TRIM36: variants seen among roughly 807,000 people sequenced by gnomAD.
The protein encoded by TRIM36 is tripartite motif containing 36.
A neutral mutation model predicts 72.4 loss-of-function variants in TRIM36; 42 were observed. The observed-to-expected ratio is 0.58, with a 90% CI of 0.45 to 0.75. TRIM36 has a LOEUF of 0.75. TRIM36 is among the 30% of genes least tolerant of loss of function. The pLI, the probability that TRIM36 is intolerant of heterozygous loss-of-function variation, is 0.00. For missense variants in TRIM36, 913 were observed against 857.1 expected (o/e 1.07, Z -0.81); for synonymous variants, 315 against 282.8 (o/e 1.11, Z -1.14).
intron 8 of TRIM36, among the ~76,000 whole-genome samples, chr5:115,133,582 C>A (rs1375091155): frequency 6.6e-6 from 1 of 152,054 alleles, no homozygotes; most frequent in African/African-American, 2.4e-5. Context: ...CTATTTAAAT[C>A]CCAACTTACT....
In TRIM36 at chr5:115,126,604, A is replaced by C. The variant is rs998298448; in HGVS notation, c.2050T>G (p.Ser684Ala). 1 of 1,614,056 alleles carries C rather than the reference A, an allele frequency of 6.2e-7. No individual in the cohort carries two copies. ...KCLYERQVDCSHTLYPAFALM... is the reference protein window; with the variant it reads ...KCLYERQVDCAHTLYPAFALM... ...GCAAATGCTGGATACAGTGTATGTGAACAGTCCACTTGGCGTTCATAAAGG... is the reference window on the plus strand; with the variant it reads ...GCAAATGCTGGATACAGTGTATGTGCACAGTCCACTTGGCGTTCATAAAGG... Residue 684 changes from serine to alanine, a missense_variant, in exon 10 of 10, where the codon TCA (serine) becomes GCA (alanine). Physicochemically the swap from Ser to Ala is moderately conservative, Grantham distance 99. Transcript: ENST00000513154.
At chr5:115,177,271 T>C (rs1755378331) in intron 1 of TRIM36, 1 of 155,752 alleles carries the variant, frequency 6.4e-6, no homozygotes, top group Admixed American at 6.2e-5. Context: ...TGTAAAGCTA[T>C]GTATTTTTAA....
intron 4 of TRIM36, among the ~76,000 whole-genome samples, chr5:115,143,367 A>G (rs1461330099): frequency 6.6e-6 from 1 of 152,124 alleles, no homozygotes; most frequent in African/African-American, 2.4e-5. Context: ...AAAAGACCCA[A>G]ACGTTTCCAA....
chr5:115,127,002 A>C (rs1366439019), intron 9 of TRIM36, 145 bp from the exon 10 acceptor site: 1 of 837,576 alleles, frequency 1.2e-6, no homozygotes, highest in African/African-American at 1.7e-5. Context: ...AAAAACATAA[A>C]AATGACACAT....
chr5:115,173,543 T>TGTGTGC (rs367927273), upstream of TRIM36, among the ~76,000 whole-genome samples: 3,052 of 151,908 alleles, frequency 0.02, 50 homozygotes, highest in African/African-American at 0.046. Flanking sequence ...TGTGTGTGTG[T>TGTGTGC]GCGCGCACGC....
rs1001854959 is a variant in TRIM36 at position 115,124,955 on chromosome 5, C to A, written c.*1548G>T. On this transcript the variant is annotated 3_prime_UTR_variant, in exon 10 of 10. Transcript: ENST00000513154. ...AGCAGCTTTATTGCATAATGATCCA[C>A]ATAACGCTGCATTATTTGCTTAGTT... 6.6e-6 allele frequency: 1 copy of A among 152,472 alleles called. No homozygotes were observed. Among genetic ancestry groups the A allele is most frequent in the African/African-American group, 2.4e-5 (1 of 41,434 alleles). 9.4% of individuals were successfully genotyped at this position (152,472 alleles called of 1,614,324 possible).
At chr5:115,138,108 T>C (rs893590385) in intron 5 of TRIM36, among the ~76,000 whole-genome samples, 1 of 152,218 alleles carries the variant, frequency 6.6e-6, no homozygotes, top group African/African-American at 2.4e-5. Flanking sequence ...AAAGTTGTTT[T>C]TGTTTTTTTG....
chr5:115,130,922 A>T, intron 8 of TRIM36, 33 bp from the exon 9 acceptor site: 2 of 1,578,904 alleles, frequency 1.3e-6, no homozygotes, highest in Non-Finnish European at 1.7e-6. Context: ...ATCAGGCTAA[A>T]AATTATCATT....
At chr5:115,128,095 G>C (rs1415931832) in intron 9 of TRIM36, among the ~76,000 whole-genome samples, 1 of 149,212 alleles carries the variant, frequency 6.7e-6, no homozygotes, top group African/African-American at 2.4e-5. Context: ...AAATTGGGGG[G>C]GGCCAGGAGT....
chr5:115,128,654 A>G (rs1488559796), intron 9 of TRIM36, among the ~76,000 whole-genome samples: 2 of 144,894 alleles, frequency 1.4e-5, no homozygotes, highest in Non-Finnish European at 3.0e-5. Context: ...CGGGAGGCTG[A>G]GGCAGGAGAA....
intron 1 of TRIM36, chr5:115,179,942 C>T: frequency 6.2e-7 from 1 of 1,609,270 alleles, no homozygotes; most frequent in Non-Finnish European, 8.5e-7. Flanking sequence ...AGTCGGGGGC[C>T]CAGGCCGCGG....
intron 2 of TRIM36, among the ~76,000 whole-genome samples, chr5:115,161,189 T>C (rs1361418900): frequency 2.8e-5 from 4 of 142,648 alleles, no homozygotes; most frequent in Non-Finnish European, 6.3e-5. Context: ...AAGGGGTATG[T>C]GTCTTTAAAA....
intron 2 of TRIM36, chr5:115,148,908 C>T (rs1428266138): frequency 6.6e-6 from 1 of 152,122 alleles, no homozygotes; most frequent in Non-Finnish European, 1.5e-5. Flanking sequence ...TAACTGTCAT[C>T]ACTCAAAAGA....
intron 3 of TRIM36, 44 bp downstream of exon 3, chr5:115,147,025 A>G (rs1376652504): frequency 6.7e-7 from 1 of 1,500,492 alleles, no homozygotes; most frequent in African/African-American, 1.4e-5. Flanking sequence ...GTTTCATAAC[A>G]TTAAGTTAAA....
chr5:115,167,104 G>A (rs1260112349), intron 1 of TRIM36, among the ~76,000 whole-genome samples: 1 of 152,232 alleles, frequency 6.6e-6, no homozygotes, highest in Non-Finnish European at 1.5e-5. Context: ...CAAAACTTGG[G>A]CAAAGGCAAC....
At chr5:115,172,596 C>T (rs1755164636), upstream of TRIM36, among the ~76,000 whole-genome samples, 1 of 152,002 alleles carries the variant, frequency 6.6e-6, no homozygotes, top group African/African-American at 2.4e-5. Context: ...ATTAGCCTGG[C>T]GTGGTGGCAC....
intron 1 of TRIM36, among the ~76,000 whole-genome samples, chr5:115,178,304 G>T (rs1258837374): frequency 1.3e-5 from 2 of 152,164 alleles, no homozygotes; most frequent in Admixed American, 1.3e-4. Context: ...CATTTATTTT[G>T]TTCAACCAAA....
At chr5:115,170,353 C>T (rs1257476331), upstream of TRIM36, among the ~76,000 whole-genome samples, 1 of 152,222 alleles carries the variant, frequency 6.6e-6, no homozygotes, top group Non-Finnish European at 1.5e-5. Flanking sequence ...TCTCACTGCG[C>T]TTTCTTCACT....
rs1321943044 is a variant in TRIM36, at chr5:115,125,265, T to A, written c.*1238A>T. The A allele has an allele frequency of 1.3e-5, 2 of 152,116 alleles. No homozygotes were observed. The highest frequency in any genetic ancestry group is 6.6e-5 in the Admixed American group (1 of 15,264). 9.4% of individuals were successfully genotyped at this position (152,116 alleles called of 1,614,324 possible). ...AATATTTTAACCTCAAAAAAATAAG[T>A]ACTTTAAATAAAAACCACCTACTTG... is the stretch of plus-strand genomic sequence containing the variant. On this transcript the variant is annotated 3_prime_UTR_variant, in exon 10 of 10. Transcript: ENST00000513154.
Sources: gnomAD v4.1 joint callset for allele counts (sites outside exome capture counted in the v4.1 genomes callset) on GRCh38, gnomAD v4.1.1 for gene constraint, MANE v1.5 for transcripts, NCBI Gene and HGNC (gene_info 2026-07-23, HGNC 2026-07-21) for gene names.